Variants in SLC12A3 observed in about 807,000 individuals in gnomAD.
SLC12A3 encodes solute carrier family 12 member 3, also known as Na-Cl cotransporter.
SLC12A3 carries 104 observed loss-of-function variants against 121.0 expected under a neutral mutation model. The ratio of observed to expected loss-of-function variants is 0.86; its 90% CI spans 0.73 to 1.01. The LOEUF is 1.01. SLC12A3 is among the 50% of genes least tolerant of loss of function. SLC12A3 has a pLI of 0.00. For missense variants in SLC12A3, 1,328 were observed against 1,356.3 expected (o/e 0.98, Z 0.33); for synonymous variants, 536 against 533.4 (o/e 1.00, Z -0.07).
At chr16:56,911,743 C>G (rs2055689022) in intron 25 of SLC12A3, among the ~76,000 whole-genome samples, 2 of 152,194 alleles carry the variant, frequency 1.3e-5, no homozygotes, top group South Asian at 4.1e-4. Flanking sequence ...GTTGGAGTTG[C>G]TGTGAGCAGA....
chr16:56,893,147 G>C, intron 21 of SLC12A3, 93 bp downstream of exon 21: 2 of 1,044,282 alleles, frequency 1.9e-6, no homozygotes, highest in Non-Finnish European at 2.9e-6. Context: ...CTCTCAAAGG[G>C]GACAGGGGCT....
chr16:56,878,278 G>A (rs2055192659), intron 9 of SLC12A3, 117 bp downstream of exon 9: 2 of 778,886 alleles, frequency 2.6e-6, no homozygotes, highest in African/African-American at 1.7e-5. Flanking sequence ...TCTAACAACA[G>A]GGAGAGCTGG....
chr16:56,900,394 G>T (rs2055521687), intron 23 of SLC12A3, among the ~76,000 whole-genome samples: 1 of 152,190 alleles, frequency 6.6e-6, no homozygotes, highest in South Asian at 2.1e-4. Flanking sequence ...GAGTAGGATT[G>T]TCTCTGTTGG....
chr16:56,873,708 A>T (rs867942962), intron 8 of SLC12A3, among the ~76,000 whole-genome samples: 2,061 of 125,374 alleles, frequency 0.016, 24 homozygotes, highest in African/African-American at 0.036. Context: ...ATTTTATTTT[A>T]TTTTTTTTTT....
At position 56,904,460 on chromosome 16, in the gene SLC12A3, C is replaced by G. The variant is rs768430723; in HGVS notation, c.2922C>G (p.Val974=). 2 of 1,613,652 alleles carry G rather than the reference C, an allele frequency of 1.2e-6. No homozygotes were observed. Among genetic ancestry groups the G allele is most frequent in the South Asian group, 2.2e-5 (2 of 91,056 alleles). Residue 974 remains valine, a splice_region_variant and synonymous_variant, in exon 25 of 26, where the codon GTC becomes GTG. Transcript: ENST00000563236. ...ACTCCCGAGACGCTGCTCTCATCGT[C>G]ATGTAAGTAGTGCCCGGCTGGTGGG... ...LDYSRDAALI[V]ITLPIGRKGK... is the part of the protein sequence containing the mutation.
At position 56,890,271 on chromosome 16, in the gene SLC12A3, C is replaced by A; in HGVS notation, c.2286-3C>A. On this transcript the variant is annotated splice_polypyrimidine_tract_variant and splice_region_variant and intron_variant, in intron 18 of 25. Transcript: ENST00000563236. Reference sequence around the variant, plus strand: ...AGCTGGACCTCACCTCCTCTCTTTCCAGTGATGCCTTTGATTTCAACTATG... The same window carrying A: ...AGCTGGACCTCACCTCCTCTCTTTCAAGTGATGCCTTTGATTTCAACTATG... 6.2e-7 allele frequency: 1 copy of A among 1,613,778 alleles called. No homozygotes were observed. Among genetic ancestry groups the A allele is most frequent in the Non-Finnish European group, 8.5e-7 (1 of 1,179,688 alleles).
In SLC12A3 at chr16:56,911,805, C is replaced by T. The variant is rs770376435; in HGVS notation, c.2925-1459C>T. 7.9e-5 allele frequency among the ~76,000 whole-genome samples: 12 copies of T among 152,186 alleles called. 1 individual carries two copies. The highest frequency in any genetic ancestry group is 2.6e-4 in the Admixed American group (4 of 15,278). On this transcript the variant is annotated intron_variant, in intron 25 of 25. Coordinates refer to ENST00000563236, the MANE Select transcript of SLC12A3 (RefSeq NM_001126108.2). ...ACCTCGGTTCGAATTCCAGCTTTGCCGCCGCTGGCTTAGCTGTCGCGTGCT... is the reference window on the plus strand; with the variant it reads ...ACCTCGGTTCGAATTCCAGCTTTGCTGCCGCTGGCTTAGCTGTCGCGTGCT...
intron 8 of SLC12A3, among the ~76,000 whole-genome samples, chr16:56,874,143 C>T (rs866988247): frequency 6.6e-6 from 1 of 152,234 alleles, no homozygotes; most frequent in Non-Finnish European, 1.5e-5. Context: ...CGGAGACTTG[C>T]CTCTGTCTCC....
chr16:56,882,502 G>A lies in SLC12A3; in HGVS notation c.1669+5G>A, dbSNP rs779917194. 7 of 1,611,070 alleles carry A rather than the reference G, an allele frequency of 4.3e-6. No homozygotes were observed. The African/African-American group carries it at 9.4e-5, about 22-fold the overall frequency. On this transcript the variant is annotated splice_donor_5th_base_variant and intron_variant, in intron 13 of 25. Transcript: ENST00000563236. ...CCTCCATCACCAACTCGCCTGGTAA[G>A]CAAACCCTTCACCCACCTCAGGAGG...
chr16:56,887,792 ATATATATTTTTTTT>A, intron 17 of SLC12A3, 119 bp from the exon 18 acceptor site: 3 of 114,096 alleles, frequency 2.6e-5, no homozygotes, highest in South Asian at 2.0e-4. Context: ...ATATATATAT[ATATATATTTTTTTT>A]TTTTTTTTTT....
chr16:56,906,560 TA>T (rs1285745536), intron 25 of SLC12A3: 8 of 245,676 alleles, frequency 3.3e-5, no homozygotes, highest in Non-Finnish European at 5.5e-5. Context: ...GTATCCAAAC[TA>T]GGAAGGTCGT....
rs143630798 is a variant in SLC12A3 at position 56,880,578 on chromosome 16, A to G, written c.1567+325A>G. Among the ~76,000 whole-genome samples the G allele has an allele frequency of 4.1e-3, 627 of 152,216 alleles. 6 individuals are homozygous for G. Among genetic ancestry groups the G allele is most frequent in the African/African-American group, 0.015 (613 of 41,516 alleles). ...CCTGGCAGCTAGCATCCCCCTCCCC[A>G]GGCCTAAATGAACCCCAGAACACCT... is the stretch of plus-strand genomic sequence containing the variant. On this transcript the variant is annotated intron_variant, in intron 12 of 25. Transcript: ENST00000563236.
At position 56,888,452 on chromosome 16, in the gene SLC12A3, C is replaced by T. The variant is rs1290715045; in HGVS notation, c.2285+421C>T. On this transcript the variant is annotated intron_variant, in intron 18 of 25. Coordinates refer to ENST00000563236, the MANE Select transcript of SLC12A3 (RefSeq NM_001126108.2). ...TGATAGGGAGCAGTGGAGACTGTGGCAACCCAGAGAGAGTGGCTCCTACTT... is the reference window on the plus strand; with the variant it reads ...TGATAGGGAGCAGTGGAGACTGTGGTAACCCAGAGAGAGTGGCTCCTACTT... Among the ~76,000 whole-genome samples, 8 of 151,736 alleles carry T rather than the reference C, an allele frequency of 5.3e-5. No homozygotes were observed. In the East Asian group the frequency reaches 1.5e-3, roughly 29 times the overall value.
chr16:56,892,391 G>C (rs904252471), intron 20 of SLC12A3, among the ~76,000 whole-genome samples: 2 of 152,170 alleles, frequency 1.3e-5, no homozygotes, highest in African/African-American at 4.8e-5. Context: ...GGAGTTCCAG[G>C]CTGCAGTGAG....
At chr16:56,892,500 C>T (rs983239552) in intron 20 of SLC12A3, among the ~76,000 whole-genome samples, 12 of 152,120 alleles carry the variant, frequency 7.9e-5, no homozygotes, top group African/African-American at 2.2e-4. Context: ...TTCAGGGTCA[C>T]GGCATCATGG....
chr16:56,897,775 C>G (rs2055484759), intron 22 of SLC12A3, among the ~76,000 whole-genome samples: 1 of 152,224 alleles, frequency 6.6e-6, no homozygotes, highest in Admixed American at 6.5e-5. Context: ...CTGCCTCCCT[C>G]TGTCCCTTGG....
Position 56,886,003 on chromosome 16 carries a change from C to G in SLC12A3, c.1926-361C>G, listed in dbSNP as rs536808197. The stretch of plus-strand genomic sequence containing the variant: ...ACCACTGCCCTCTGCTACCTCTCGA[C>G]GCAGAGGCTGAGTCACCTTCCCGGG... On this transcript the variant is annotated intron_variant, in intron 15 of 25. Transcript: ENST00000563236. Among the ~76,000 whole-genome samples, 6 of 152,330 alleles carry G rather than the reference C, an allele frequency of 3.9e-5. No individual in the cohort carries two copies. In the South Asian group the frequency reaches 1.2e-3, roughly 32 times the overall value.
chr16:56,880,599 C>T (rs1255287902), intron 12 of SLC12A3, among the ~76,000 whole-genome samples: 2 of 152,164 alleles, frequency 1.3e-5, no homozygotes, highest in African/African-American at 4.8e-5. Flanking sequence ...AACCCCAGAA[C>T]ACCTTTGGAG....
chr16:56,902,519 GGGT>G lies in SLC12A3; in HGVS notation c.2856+14_2856+16del. The G allele has an allele frequency of 6.2e-7, 1 of 1,600,756 alleles. No individual in the cohort carries two copies. The highest frequency in any genetic ancestry group is 8.5e-7 in the Non-Finnish European group (1 of 1,170,354). On this transcript the variant is annotated intron_variant, in intron 24 of 25. Transcript: ENST00000563236. The stretch of plus-strand genomic sequence containing the variant: ...AAGAACAGAGTCAAGGTGCAGAGAG[GGGT>G]GGGGGTGGGAAACGCGACACATCAC...
Sources: gnomAD v4.1 joint callset for allele counts (sites outside exome capture counted in the v4.1 genomes callset) on GRCh38, gnomAD v4.1.1 for gene constraint, MANE v1.5 for transcripts, NCBI Gene and HGNC (gene_info 2026-07-23, HGNC 2026-07-21) for gene names.